Variants in ANKS1B observed in about 807,000 individuals in gnomAD.
The protein encoded by ANKS1B is ankyrin repeat and sterile alpha motif domain containing 1B.
A neutral mutation model predicts 148.3 loss-of-function variants in ANKS1B; 36 were observed. The ratio of observed to expected loss-of-function variants is 0.24; its 90% CI spans 0.19 to 0.32. The LOEUF (loss-of-function observed/expected upper bound fraction) is 0.32. Among genes scored for constraint, ANKS1B ranks in the 10% least tolerant of loss-of-function variants. ANKS1B has a pLI of 1.00. For missense variants in ANKS1B, 1,157 were observed against 1,542.6 expected (o/e 0.75, Z 4.19); for synonymous variants, 542 against 560.8 (o/e 0.97, Z 0.47).
At position 99,880,627 on chromosome 12, in the gene ANKS1B, C is replaced by T. The variant is rs77177315; in HGVS notation, c.135-55238G>A. ...AGAATAGTTGTGTACATGTGATGCT[C>T]ATTTCCATAATGAGTAAAGGACATA... On this transcript the variant is annotated intron_variant, in intron 1 of 26. Transcript: ENST00000683438. Among the ~76,000 whole-genome samples, 264 of 152,306 alleles carry T rather than the reference C, an allele frequency of 1.7e-3. 9 individuals are homozygous for T. The East Asian group carries it at 0.042, about 24-fold the overall frequency.
intron 17 of ANKS1B, among the ~76,000 whole-genome samples, chr12:98,865,852 GT>G (rs1419449506): frequency 2.0e-5 from 3 of 151,824 alleles, no homozygotes; most frequent in Admixed American, 6.5e-5. Context: ...CATTGGCTGG[GT>G]AGCTTCAAAA....
intron 1 of ANKS1B, among the ~76,000 whole-genome samples, chr12:99,929,689 G>A (rs1354265824): frequency 1.3e-5 from 2 of 152,276 alleles, no homozygotes; most frequent in African/African-American, 2.4e-5. Flanking sequence ...GTGTAAGGAA[G>A]GGATCCAGTT....
intron 17 of ANKS1B, among the ~76,000 whole-genome samples, chr12:99,038,969 C>T (rs1027264951): frequency 1.1e-4 from 17 of 152,178 alleles, no homozygotes; most frequent in Admixed American, 7.2e-4. Flanking sequence ...CTGTTACCTG[C>T]TTATTGTCTT....
intron 10 of ANKS1B, among the ~76,000 whole-genome samples, chr12:99,470,114 C>G (rs2096214228): frequency 6.8e-6 from 1 of 148,014 alleles, no homozygotes; most frequent in Non-Finnish European, 1.5e-5. Context: ...GACTCTGTCT[C>G]TAATAATAAT....
At chr12:99,571,358 G>C (rs1326231785) in intron 9 of ANKS1B, among the ~76,000 whole-genome samples, 1 of 151,656 alleles carries the variant, frequency 6.6e-6, no homozygotes, top group Non-Finnish European at 1.5e-5. Flanking sequence ...TACAGGTATA[G>C]ATAGAGAGAT....
intron 14 of ANKS1B, among the ~76,000 whole-genome samples, chr12:99,176,515 A>C (rs1005133270): frequency 6.6e-6 from 1 of 152,150 alleles, no homozygotes; most frequent in African/African-American, 2.4e-5. Flanking sequence ...GCACAAATGG[A>C]GCCTCAATGT....
chr12:99,967,907 CAAAA>C (rs71436975), intron 1 of ANKS1B, among the ~76,000 whole-genome samples: 6 of 106,876 alleles, frequency 5.6e-5, no homozygotes, highest in East Asian at 5.7e-4. Flanking sequence ...AACTCCGTCT[CAAAA>C]AAAAAAAAAA....
In ANKS1B at chr12:99,634,143, G is replaced by A. The variant is rs372304729; in HGVS notation, c.1272+20924C>T. Among the ~76,000 whole-genome samples the A allele has an allele frequency of 1.7e-3, 252 of 152,264 alleles. 6 individuals are homozygous for A. In the South Asian group the frequency reaches 0.045, roughly 27 times the overall value. ...CATGTTGAAATTTAATCTCCAATGT[G>A]GCAGTATTGAGAGAAGAGGCATTTA... is the stretch of plus-strand genomic sequence containing the variant. On this transcript the variant is annotated intron_variant, in intron 9 of 26. Coordinates refer to ENST00000683438, the MANE Select transcript of ANKS1B (RefSeq NM_001352186.2).
At chr12:99,834,591 T>C (rs1603240823) in intron 1 of ANKS1B, among the ~76,000 whole-genome samples, 3 of 152,334 alleles carry the variant, frequency 2.0e-5, no homozygotes, top group East Asian at 1.9e-4. Context: ...GAATATTCTA[T>C]TATCTAAGCT....
At chr12:99,551,967 C>T (rs2097223098) in intron 9 of ANKS1B, among the ~76,000 whole-genome samples, 1 of 152,112 alleles carries the variant, frequency 6.6e-6, no homozygotes, top group Admixed American at 6.6e-5. Flanking sequence ...ACATCTGAAA[C>T]ACTGTTCCAA....
intron 17 of ANKS1B, among the ~76,000 whole-genome samples, chr12:98,920,129 A>G (rs2099799502): frequency 6.6e-6 from 1 of 152,206 alleles, no homozygotes; most frequent in Non-Finnish European, 1.5e-5. Context: ...TTTGCAGGCA[A>G]TCTTTGACAT....
chr12:98,791,935 A>G lies in ANKS1B; in HGVS notation c.3342+6999T>C, dbSNP rs748502602. 5.6e-4 allele frequency among the ~76,000 whole-genome samples: 85 copies of G among 152,204 alleles called. 1 individual carries two copies. The highest frequency in any genetic ancestry group is 8.4e-4 in the Non-Finnish European group (57 of 68,024). Reference sequence around the variant, plus strand: ...TATTTCCATCTAATTTTAAGATCTAACTTTTTCAAAGTTTTCCAACCCATT... The same window carrying G: ...TATTTCCATCTAATTTTAAGATCTAGCTTTTTCAAAGTTTTCCAACCCATT... On this transcript the variant is annotated intron_variant, in intron 22 of 26. Coordinates refer to ENST00000683438, the MANE Select transcript of ANKS1B (RefSeq NM_001352186.2).
chr12:99,479,580 A>G (rs1448896165), intron 10 of ANKS1B, among the ~76,000 whole-genome samples: 1 of 152,014 alleles, frequency 6.6e-6, no homozygotes, highest in African/African-American at 2.4e-5. Context: ...TTGTGACAGT[A>G]TGGATGAACC....
At chr12:99,601,890 T>C (rs2097802809) in intron 9 of ANKS1B, among the ~76,000 whole-genome samples, 1 of 152,026 alleles carries the variant, frequency 6.6e-6, no homozygotes, top group Admixed American at 6.6e-5. Context: ...TAGGTATAGG[T>C]CCGGACCCCT....
intron 10 of ANKS1B, among the ~76,000 whole-genome samples, chr12:99,445,833 C>T (rs2095628415): frequency 1.3e-5 from 2 of 151,902 alleles, no homozygotes; most frequent in African/African-American, 4.8e-5. Context: ...GTGATCCTCC[C>T]ACCTTAGCAT....
intron 9 of ANKS1B, among the ~76,000 whole-genome samples, chr12:99,612,882 G>A (rs552148047): frequency 6.6e-6 from 1 of 152,196 alleles, no homozygotes; most frequent in South Asian, 2.1e-4. Flanking sequence ...AGGACAAAGA[G>A]ATATCTCAGG....
chr12:99,406,134 G>T (rs1244357046), intron 11 of ANKS1B, among the ~76,000 whole-genome samples: 1 of 145,086 alleles, frequency 6.9e-6, no homozygotes, highest in East Asian at 1.9e-4. Context: ...AATCAACAAA[G>T]AAATGTCAGA....
intron 12 of ANKS1B, among the ~76,000 whole-genome samples, chr12:99,314,006 T>C (rs1308948416): frequency 1.3e-5 from 2 of 152,144 alleles, no homozygotes; most frequent in Admixed American, 6.6e-5. Flanking sequence ...CATGACTATA[T>C]ACTTATAAAA....
In ANKS1B at chr12:98,801,181, T is replaced by C; in HGVS notation, c.3142-56A>G. ...TGAGCAGTCAGCAAAGTTCATTCCCTGTAGCTACCCTGAGCTCACCTTACA... is the reference window on the plus strand; with the variant it reads ...TGAGCAGTCAGCAAAGTTCATTCCCCGTAGCTACCCTGAGCTCACCTTACA... On this transcript the variant is annotated intron_variant, in intron 20 of 26. Transcript: ENST00000683438. The surrounding 1 kb of genome is among the most constrained non-coding windows in gnomAD (Gnocchi z 5.2). The C allele has an allele frequency of 6.3e-7, 1 of 1,592,218 alleles. No homozygotes were observed. The highest frequency in any genetic ancestry group is 8.6e-7 in the Non-Finnish European group (1 of 1,167,194).
Sources: gnomAD v4.1 joint callset for allele counts (sites outside exome capture counted in the v4.1 genomes callset) on GRCh38, gnomAD v4.1.1 for gene constraint, Gnocchi (gnomAD v3.1) non-coding constraint, MANE v1.5 for transcripts, NCBI Gene and HGNC (gene_info 2026-07-23, HGNC 2026-07-21) for gene names.